NR5A2: variants seen among roughly 807,000 people sequenced by gnomAD.
The protein encoded by NR5A2 is CYP7A promoter-binding factor.
NR5A2 carries 26 observed loss-of-function variants against 62.7 expected under a neutral mutation model. That is an observed-to-expected ratio of 0.41 (90% CI 0.30 to 0.58). NR5A2 has a LOEUF of 0.58. NR5A2 is among the 20% of genes least tolerant of loss of function. The pLI is 0.22. For missense variants in NR5A2, 541 were observed against 669.1 expected (o/e 0.81, Z 2.11); for synonymous variants, 246 against 241.7 (o/e 1.02, Z -0.16).
chr1:200,043,711 G>T, intron 2 of NR5A2, 63 bp from the exon 3 acceptor site: 1 of 1,029,712 alleles, frequency 9.7e-7, no homozygotes, highest in Non-Finnish European at 1.4e-6. Flanking sequence ...GCTTTTTGTT[G>T]CAGGATTAAC....
At chr1:200,034,210 G>T (rs1428141971) in intron 1 of NR5A2, among the ~76,000 whole-genome samples, 1 of 152,180 alleles carries the variant, frequency 6.6e-6, no homozygotes, top group Non-Finnish European at 1.5e-5. Flanking sequence ...TGGCCTACTA[G>T]CGCCGGGATC....
At position 200,039,523 on chromosome 1, in the gene NR5A2, G is replaced by T; in HGVS notation, c.65-135G>T. ...GCTCCGGAGCTGCGAGACCGGACAG[G>T]GCTCAGAGGTCCTGCCCGGCAGCCC... On this transcript the variant is annotated intron_variant, in intron 1 of 7. Transcript: ENST00000367362. The surrounding 1 kb of genome is among the most constrained non-coding windows in gnomAD (Gnocchi z 5.1). 7.9e-7 allele frequency: 1 copy of T among 1,265,954 alleles called. No individual in the cohort carries two copies. Among genetic ancestry groups the T allele is most frequent in the Admixed American group, 2.0e-5 (1 of 49,198 alleles). 78.4% of individuals were successfully genotyped at this position (1,265,954 alleles called of 1,614,324 possible).
At chr1:200,105,132 T>A (rs1665584698) in intron 5 of NR5A2, among the ~76,000 whole-genome samples, 1 of 152,116 alleles carries the variant, frequency 6.6e-6, no homozygotes, top group South Asian at 2.1e-4. Flanking sequence ...CTTTTTATTT[T>A]ATTTTTTTGT....
At chr1:200,139,534 G>GGAGA (rs1367682292) in intron 7 of NR5A2, among the ~76,000 whole-genome samples, 5 of 152,126 alleles carry the variant, frequency 3.3e-5, no homozygotes, top group African/African-American at 1.2e-4. Context: ...TATTGATCTT[G>GGAGA]GAGAGAGATC....
intron 5 of NR5A2, chr1:200,057,489 T>G (rs2102186794): frequency 4.4e-6 from 1 of 229,742 alleles, no homozygotes; most frequent in Non-Finnish European, 8.8e-6. Flanking sequence ...TTTTTTTTCT[T>G]TTTTTTTGAG....
intron 1 of NR5A2, among the ~76,000 whole-genome samples, chr1:200,028,477 T>C (rs1396955917): frequency 1.3e-5 from 2 of 151,140 alleles, no homozygotes; most frequent in African/African-American, 2.4e-5. Context: ...GTAAAGGATT[T>C]GAAGAGCTAC....
At chr1:200,137,734 A>G (rs1443324230) in intron 7 of NR5A2, among the ~76,000 whole-genome samples, 3 of 152,194 alleles carry the variant, frequency 2.0e-5, no homozygotes, top group African/African-American at 7.2e-5. Context: ...ATTTCTTAGT[A>G]TGTTTCTGAT....
rs536851950 is a variant in NR5A2, at chr1:200,041,412, G to A, written c.202+1617G>A. Among the ~76,000 whole-genome samples, 265 of 152,282 alleles carry A rather than the reference G, an allele frequency of 1.7e-3. 1 individual carries two copies. Among genetic ancestry groups the A allele is most frequent in the Middle Eastern group, 0.01 (3 of 294 alleles). On this transcript the variant is annotated intron_variant, in intron 2 of 7. Transcript: ENST00000367362. Reference sequence around the variant, plus strand: ...ATGGGAAGCGCCGGGGCAAGGCTTCGTCGGAGACTAGAGGCCTGCCTGTCG... The same window carrying A: ...ATGGGAAGCGCCGGGGCAAGGCTTCATCGGAGACTAGAGGCCTGCCTGTCG...
intron 7 of NR5A2, among the ~76,000 whole-genome samples, chr1:200,162,306 G>C (rs577105135): frequency 1.3e-5 from 2 of 152,188 alleles, no homozygotes; most frequent in Non-Finnish European, 2.9e-5. Flanking sequence ...CTTCCTGGAC[G>C]TAATGATATC....
chr1:200,061,082 C>G (rs1337007565), intron 5 of NR5A2, among the ~76,000 whole-genome samples: 1 of 143,160 alleles, frequency 7.0e-6, no homozygotes, highest in African/African-American at 2.6e-5. Flanking sequence ...ATTTGCGCCA[C>G]TGTGCTCTAG....
chr1:200,169,098 C>G (rs1422975355), intron 7 of NR5A2, among the ~76,000 whole-genome samples: 2 of 151,900 alleles, frequency 1.3e-5, no homozygotes, highest in Non-Finnish European at 2.9e-5. Flanking sequence ...GTTACTGGGA[C>G]CGGGAGTAGC....
chr1:200,091,484 C>CTTTT (rs35491701), intron 5 of NR5A2, among the ~76,000 whole-genome samples: 4 of 126,508 alleles, frequency 3.2e-5, no homozygotes, highest in African/African-American at 5.9e-5. Flanking sequence ...TGCTCTCTTT[C>CTTTT]TTTTTTTTTT....
intron 7 of NR5A2, among the ~76,000 whole-genome samples, chr1:200,150,639 G>T (rs994148704): frequency 6.6e-6 from 1 of 152,174 alleles, no homozygotes; most frequent in Non-Finnish European, 1.5e-5. Context: ...AAAATATTCA[G>T]TGAAGATGAG....
chr1:200,045,406 A>G (rs201455265), intron 3 of NR5A2, 37 bp from the exon 4 acceptor site: 2 of 1,539,934 alleles, frequency 1.3e-6, no homozygotes, highest in East Asian at 4.6e-5. Context: ...CGGGTGTTAG[A>G]TTTATAATAC....
intron 6 of NR5A2, among the ~76,000 whole-genome samples, chr1:200,115,299 T>C (rs933741714): frequency 1.2e-4 from 18 of 152,198 alleles, no homozygotes; most frequent in African/African-American, 4.3e-4. Flanking sequence ...AGGATTTTTC[T>C]CATTTTTCTA....
chr1:200,144,405 T>C (rs1667596177), intron 7 of NR5A2, among the ~76,000 whole-genome samples: 1 of 152,082 alleles, frequency 6.6e-6, no homozygotes, highest in African/African-American at 2.4e-5. Flanking sequence ...CAATTTGATC[T>C]TCCTGGAGCC....
intron 5 of NR5A2, chr1:200,057,413 G>A (rs912650845): frequency 5.8e-5 from 12 of 206,618 alleles, no homozygotes; most frequent in African/African-American, 2.6e-4. Context: ...TGGAGGATAC[G>A]TCCGTCAGTC....
rs902225371 is a variant in NR5A2 at position 200,117,726 on chromosome 1, T to C, written c.1231-3082T>C. The stretch of plus-strand genomic sequence containing the variant: ...TAGTGATTTTTTTTTCTTTTCTTTT[T>C]TTTTTGAGAGAAGTCTTGCTCTTGT... On this transcript the variant is annotated intron_variant, in intron 6 of 7. Coordinates refer to ENST00000367362, the MANE Select transcript of NR5A2 (RefSeq NM_205860.3). Among the ~76,000 whole-genome samples, 34 of 152,234 alleles carry C rather than the reference T, an allele frequency of 2.2e-4. No homozygotes were observed. The East Asian group carries it at 2.7e-3, about 12-fold the overall frequency.
intron 5 of NR5A2, among the ~76,000 whole-genome samples, chr1:200,093,782 T>C (rs1664928797): frequency 6.6e-6 from 1 of 152,208 alleles, no homozygotes; most frequent in African/African-American, 2.4e-5. Context: ...AGTTTGAAGC[T>C]CGAGTCTGAG....
Sources: gnomAD v4.1 joint callset for allele counts (sites outside exome capture counted in the v4.1 genomes callset) on GRCh38, gnomAD v4.1.1 for gene constraint, Gnocchi (gnomAD v3.1) non-coding constraint, MANE v1.5 for transcripts, NCBI Gene and HGNC (gene_info 2026-07-23, HGNC 2026-07-21) for gene names.